The following EP300 variants were observed in gnomAD, a reference collection of about 807,000 sequenced individuals.
The protein encoded by EP300 is EP300 lysine acetyltransferase.
In EP300, 31 loss-of-function variants were observed where a neutral mutation model predicts 264.0. That is an observed-to-expected ratio of 0.12 (90% CI 0.09 to 0.16). The LOEUF (loss-of-function observed/expected upper bound fraction) is 0.16. Ranked by LOEUF, EP300 falls within the 10% of genes least tolerant of loss-of-function variation. The pLI is 1.00. For synonymous variants in EP300, 1,340 were observed against 1,045.4 expected (o/e 1.28, Z -5.44); for missense variants, 2,766 against 3,052.9 (o/e 0.91, Z 2.21).
At position 41,149,968 on chromosome 22, in the gene EP300, G is replaced by C. The variant is rs777976440; in HGVS notation, c.2587G>C (p.Val863Leu). 5.6e-6 allele frequency: 9 copies of C among 1,613,414 alleles called. No homozygotes were observed. Residue 863 changes from valine (V) to leucine (L), a missense_variant, in exon 14 of 31, where the codon GTT becomes CTT. Val to Leu is a conservative substitution (Grantham distance 32). Transcript: ENST00000263253. ...QPPATTIPAP[V>L]PTPPAMPPGP... is the part of the protein sequence containing the mutation. ...ACCAGCAACAACAATTCCAGCCCCT[G>C]TTCCTACACCTCCTGCCATGCCACC...
chr22:41,097,239 A>T (rs1046009430), intron 1 of EP300, among the ~76,000 whole-genome samples: 1 of 152,228 alleles, frequency 6.6e-6, no homozygotes, highest in Non-Finnish European at 1.5e-5. Context: ...TGATAGTGAG[A>T]TAAAGTGACT....
At chr22:41,097,980 C>T (rs2058711110) in intron 1 of EP300, among the ~76,000 whole-genome samples, 1 of 151,232 alleles carries the variant, frequency 6.6e-6, no homozygotes, top group Non-Finnish European at 1.5e-5. Flanking sequence ...AGGCGTGAGC[C>T]ACCGCGCCCA....
chr22:41,167,580 GTGTGTATATATATATATATA>G (rs1467441083), intron 23 of EP300, among the ~76,000 whole-genome samples: 442 of 30,032 alleles, frequency 0.015, no homozygotes, highest in African/African-American at 0.047. Flanking sequence ...GTGTGTGTGT[GTGTGTATATATATATATATA>G]TATATATATA....
chr22:41,097,761 A>G (rs934101158), intron 1 of EP300, among the ~76,000 whole-genome samples: 1 of 152,294 alleles, frequency 6.6e-6, no homozygotes, highest in Non-Finnish European at 1.5e-5. Context: ...TAATGGGCAA[A>G]TGAAACCAAT....
chr22:41,137,612 A>C (rs2058959216), intron 7 of EP300, 41 bp from the exon 8 acceptor site: 1 of 1,613,838 alleles, frequency 6.2e-7, no homozygotes, highest in East Asian at 2.2e-5. Flanking sequence ...GTCTTCTCCT[A>C]CCTTTCTTCA....
At chr22:41,141,263 T>C in intron 10 of EP300, 41 bp downstream of exon 10, 1 of 1,586,058 alleles carries the variant, frequency 6.3e-7, no homozygotes, top group Non-Finnish European at 8.7e-7. Context: ...GAGAAATTGA[T>C]AATAAAATAG....
intron 12 of EP300, 92 bp from the exon 13 acceptor site, chr22:41,148,946 A>AT (rs1324838774): frequency 6.3e-7 from 1 of 1,575,382 alleles, no homozygotes; most frequent in African/African-American, 1.4e-5. Context: ...TCTACTTAAT[A>AT]AGCCTGACGT....
chr22:41,104,510 G>A lies in EP300; in HGVS notation c.94+11412G>A, dbSNP rs548676288. ...TTGCCATGTTGGCCAGGCTGACCTC[G>A]AACTCCTGACCTCAGGCGATCCGCC... On this transcript the variant is annotated intron_variant, in intron 1 of 30. Transcript: ENST00000263253. Among the ~76,000 whole-genome samples the A allele has an allele frequency of 5.9e-5, 9 of 151,950 alleles. No individual in the cohort carries two copies. The East Asian group carries it at 1.8e-3, about 30-fold the overall frequency.
intron 3 of EP300, chr22:41,126,332 T>G (rs934693067): frequency 5.5e-6 from 2 of 361,724 alleles, no homozygotes; most frequent in African/African-American, 4.1e-5. Flanking sequence ...TGTGAGCGTT[T>G]CCATACGATA....
chr22:41,174,744 G>A (rs111313919), intron 29 of EP300: 1 of 152,084 alleles, frequency 6.6e-6, no homozygotes, highest in Admixed American at 6.6e-5. Flanking sequence ...GTTCTTATAG[G>A]AAGTGGTAAT....
Position 41,170,464 on chromosome 22 carries a change from CATTGCCATCCTCCTG to C in EP300, c.4347_4361del (p.Cys1450_Asp1454del). On this transcript the variant is annotated inframe_deletion, in exon 27 of 31. Coordinates refer to ENST00000263253, the MANE Select transcript of EP300 (RefSeq NM_001429.4). ...AAGTGAGGGAGATGATTATATCTTCCATTGCCATCCTCCTGACCAGAAGATACCCAAGCCCAAGCG... is the reference window on the plus strand; with the variant it reads ...AAGTGAGGGAGATGATTATATCTTCCACCAGAAGATACCCAAGCCCAAGCG... 1 of 1,613,708 alleles carries C rather than the reference CATTGCCATCCTCCTG, an allele frequency of 6.2e-7. No individual in the cohort carries two copies.
intron 1 of EP300, 135 bp from the exon 2 acceptor site, chr22:41,117,051 AC>A: frequency 1.2e-6 from 1 of 810,740 alleles, no homozygotes; most frequent in Non-Finnish European, 2.0e-6. Flanking sequence ...ACAGAGTAAG[AC>A]CCTGTCTCAA....
chr22:41,109,265 A>C (rs1057499752), intron 1 of EP300, among the ~76,000 whole-genome samples: 1 of 151,214 alleles, frequency 6.6e-6, no homozygotes, highest in African/African-American at 2.4e-5. Flanking sequence ...AAAAAAAAAA[A>C]AAACAAAAAA....
chr22:41,166,555 C>T (rs371114184), intron 22 of EP300, 44 bp from the exon 23 acceptor site: 10 of 1,484,328 alleles, frequency 6.7e-6, no homozygotes, highest in South Asian at 2.3e-5. Context: ...ATAAATTCAA[C>T]GGTTTATCTA....
intron 6 of EP300, 145 bp downstream of exon 6, chr22:41,131,778 T>A: frequency 8.3e-7 from 1 of 1,207,942 alleles, no homozygotes; most frequent in Non-Finnish European, 1.2e-6. Flanking sequence ...AAAGGTCCCT[T>A]ACAGTTCATC....
chr22:41,179,876 CCACTCACA>C lies in EP300; in HGVS notation c.*924_*931del, dbSNP rs778195651. On this transcript the variant is annotated 3_prime_UTR_variant, in exon 31 of 31. Transcript: ENST00000263253. ...GCTTTCTTCCTCCTTACCCTACCCC[CCACTCACA>C]CACACACACACACACACACACACAC... is the stretch of plus-strand genomic sequence containing the variant. The C allele has an allele frequency of 3.8e-3, 505 of 131,438 alleles. 38 individuals carry two copies. The highest frequency in any genetic ancestry group is 9.3e-3 in the South Asian group (22 of 2,360). The allele number at this position is 131,438 out of a possible 1,614,324, so 8.1% of individuals were successfully genotyped here.
intron 22 of EP300, among the ~76,000 whole-genome samples, chr22:41,165,104 G>C (rs1437950064): frequency 1.3e-5 from 2 of 152,240 alleles, no homozygotes; most frequent in East Asian, 3.9e-4. Flanking sequence ...AAGGAAAATA[G>C]GTGATGGTTT....
At chr22:41,153,288 T>G (rs1375547989) in intron 16 of EP300, among the ~76,000 whole-genome samples, 1 of 152,194 alleles carries the variant, frequency 6.6e-6, no homozygotes, top group Admixed American at 6.6e-5. Context: ...AGGACATACC[T>G]GAGGAGTGAG....
chr22:41,158,662 C>T (rs893944167), intron 19 of EP300, 162 bp downstream of exon 19: 2 of 647,294 alleles, frequency 3.1e-6, no homozygotes, highest in Non-Finnish European at 5.6e-6. Context: ...GTTTGCAGAA[C>T]AATAAAATTT....
Sources: allele counts gnomAD v4.1 joint callset (sites outside exome capture counted in the v4.1 genomes callset), GRCh38; gene constraint gnomAD v4.1.1; transcripts MANE v1.5; gene names NCBI Gene and HGNC (gene_info 2026-07-23, HGNC 2026-07-21).